CADM2: variants seen among roughly 807,000 people sequenced by gnomAD.
CADM2 encodes the protein cell adhesion molecule 2.
A neutral mutation model predicts 49.8 loss-of-function variants in CADM2; 12 were observed. That is an observed-to-expected ratio of 0.24 (90% confidence interval 0.15 to 0.39). CADM2 has a LOEUF of 0.39. CADM2 is among the 10% of genes least tolerant of loss of function. The probability of loss-of-function intolerance (pLI) is 1.00; values close to 1 mark genes in which losing one functional copy is unlikely to be tolerated. For synonymous variants in CADM2, 214 were observed against 175.4 expected (o/e 1.22, Z -1.74); for missense variants, 378 against 492.3 (o/e 0.77, Z 2.20).
At chr3:85,419,599 G>C (rs2036075955) in intron 1 of CADM2, among the ~76,000 whole-genome samples, 1 of 152,156 alleles carries the variant, frequency 6.6e-6, no homozygotes, top group Non-Finnish European at 1.5e-5. Context: ...AGAAGCTTAA[G>C]CTAGATGGAA....
At chr3:85,460,585 T>C (rs1252953451) in intron 1 of CADM2, among the ~76,000 whole-genome samples, 1 of 152,194 alleles carries the variant, frequency 6.6e-6, no homozygotes, top group East Asian at 1.9e-4. Context: ...AAGTCTCCAT[T>C]GTGATATTTT....
At chr3:85,309,829 G>T (rs1050900415) in intron 1 of CADM2, among the ~76,000 whole-genome samples, 4 of 152,082 alleles carry the variant, frequency 2.6e-5, no homozygotes, top group Admixed American at 2.6e-4. Flanking sequence ...CTTTACCCCC[G>T]TTTTAAATGC....
chr3:85,900,591 T>C (rs1715985592), intron 5 of CADM2, among the ~76,000 whole-genome samples: 1 of 152,216 alleles, frequency 6.6e-6, no homozygotes, highest in South Asian at 2.1e-4. Flanking sequence ...AAGAAATTGC[T>C]TCTTTTTAAA....
At chr3:85,441,060 A>AT (rs1250814689) in intron 1 of CADM2, among the ~76,000 whole-genome samples, 6 of 152,098 alleles carry the variant, frequency 3.9e-5, no homozygotes, top group Admixed American at 2.0e-4. Flanking sequence ...TAATTATTAG[A>AT]TTTTTTAAAT....
chr3:85,157,802 A>C (rs2040184686), intron 1 of CADM2, among the ~76,000 whole-genome samples: 1 of 152,168 alleles, frequency 6.6e-6, no homozygotes, highest in African/African-American at 2.4e-5. Flanking sequence ...TGTCTAAAAC[A>C]CCAAAAGCAA....
chr3:85,247,535 T>C (rs187106153), intron 1 of CADM2, among the ~76,000 whole-genome samples: 7 of 152,248 alleles, frequency 4.6e-5, no homozygotes, highest in African/African-American at 1.7e-4. Flanking sequence ...CATAAAGGCA[T>C]TTAAATATCC....
At chr3:85,076,049 C>T (rs959179109) in intron 1 of CADM2, among the ~76,000 whole-genome samples, 2 of 150,466 alleles carry the variant, frequency 1.3e-5, no homozygotes, top group African/African-American at 4.9e-5. Flanking sequence ...GAAAATGTTC[C>T]AGATTCTGCA....
chr3:85,803,386 A>G (rs538465728), intron 3 of CADM2, among the ~76,000 whole-genome samples: 1 of 152,260 alleles, frequency 6.6e-6, no homozygotes, highest in South Asian at 2.1e-4. Context: ...AATACATTAT[A>G]TCATACATTA....
intron 1 of CADM2, among the ~76,000 whole-genome samples, chr3:85,543,420 A>ATGTGTGTGTGGGTGTGTGTG (rs546846641): frequency 7.7e-6 from 1 of 129,584 alleles, no homozygotes; most frequent in Non-Finnish European, 1.7e-5. Context: ...TGCCAAGCTA[A>ATGTGTGTGTGGGTGTGTGTG]TGTGTGTGTG....
At chr3:85,191,405 A>C (rs1350029028) in intron 1 of CADM2, among the ~76,000 whole-genome samples, 1 of 152,138 alleles carries the variant, frequency 6.6e-6, no homozygotes, top group Non-Finnish European at 1.5e-5. Context: ...ACCATATGTC[A>C]GAGAAATTTT....
At chr3:85,901,327 G>A (rs1716091818) in intron 5 of CADM2, among the ~76,000 whole-genome samples, 1 of 152,180 alleles carries the variant, frequency 6.6e-6, no homozygotes, top group Non-Finnish European at 1.5e-5. Context: ...TTCCATTTGT[G>A]TTGGTAATGG....
At chr3:85,857,587 C>T (rs2075364988) in intron 3 of CADM2, among the ~76,000 whole-genome samples, 1 of 152,144 alleles carries the variant, frequency 6.6e-6, no homozygotes, top group East Asian at 1.9e-4. Flanking sequence ...AAGTGATCCT[C>T]CCACCTCAGC....
intron 3 of CADM2, among the ~76,000 whole-genome samples, chr3:85,843,655 G>C (rs780758067): frequency 5.3e-5 from 8 of 151,952 alleles, no homozygotes; most frequent in Non-Finnish European, 1.0e-4. Context: ...GAGTAAAACA[G>C]AAATAAAAAT....
At chr3:85,721,613 C>T (rs746663226) in intron 1 of CADM2, among the ~76,000 whole-genome samples, 14 of 152,168 alleles carry the variant, frequency 9.2e-5, no homozygotes, top group Non-Finnish European at 1.8e-4. Flanking sequence ...ACCAGCTCTC[C>T]GTGAGGCTGC....
intron 7 of CADM2, among the ~76,000 whole-genome samples, chr3:85,944,640 A>G (rs940648298): frequency 6.6e-6 from 1 of 152,134 alleles, no homozygotes; most frequent in Non-Finnish European, 1.5e-5. Context: ...GCTCAACTAC[A>G]TGGAAACTGA....
chr3:84,994,103 A>C (rs1559607185), intron 1 of CADM2, among the ~76,000 whole-genome samples: 3 of 152,186 alleles, frequency 2.0e-5, no homozygotes, highest in East Asian at 3.9e-4. Flanking sequence ...TGCTCAGATA[A>C]TTCAAATGGC....
At chr3:85,256,052 G>A (rs1336409914) in intron 1 of CADM2, among the ~76,000 whole-genome samples, 1 of 151,950 alleles carries the variant, frequency 6.6e-6, no homozygotes, top group Admixed American at 6.6e-5. Flanking sequence ...TAAATATACA[G>A]TGTGTGTTTT....
intron 1 of CADM2, among the ~76,000 whole-genome samples, chr3:85,082,577 A>G (rs2037206367): frequency 6.6e-6 from 1 of 152,102 alleles, no homozygotes; most frequent in African/African-American, 2.4e-5. Flanking sequence ...CTTTTCTGAA[A>G]CTGAATACAT....
At chr3:85,623,497 C>G (rs1473707453) in intron 1 of CADM2, among the ~76,000 whole-genome samples, 1 of 152,008 alleles carries the variant, frequency 6.6e-6, no homozygotes, top group Non-Finnish European at 1.5e-5. Context: ...ATTGTAGGAG[C>G]CCAAATGTAA....
Sources: allele counts gnomAD v4.1 joint callset (sites outside exome capture counted in the v4.1 genomes callset), GRCh38; gene constraint gnomAD v4.1.1; transcripts MANE v1.5; gene names NCBI Gene and HGNC (gene_info 2026-07-23, HGNC 2026-07-21).